Variants in PLXDC2 observed in about 807,000 individuals in gnomAD.
The protein encoded by PLXDC2 is plexin domain-containing protein 2.
In PLXDC2, 40 loss-of-function variants were observed where a neutral mutation model predicts 68.9. The ratio of observed to expected loss-of-function variants is 0.58; its 90% confidence interval spans 0.45 to 0.76. The LOEUF (loss-of-function observed/expected upper bound fraction) is 0.76. Ranked by LOEUF, PLXDC2 falls within the 30% of genes least tolerant of loss-of-function variation. The pLI, the probability that PLXDC2 is intolerant of heterozygous loss-of-function variation, is 0.00. For missense variants in PLXDC2, 644 were observed against 661.9 expected, an observed-to-expected ratio of 0.97 and a Z score of 0.30; for synonymous variants, 243 against 234.2, an observed-to-expected ratio of 1.04 and a Z score of -0.34.
At chr10:20,122,944 T>C (rs1229453829) in intron 4 of PLXDC2, among the ~76,000 whole-genome samples, 2 of 151,948 alleles carry the variant, frequency 1.3e-5, no homozygotes, top group East Asian at 1.9e-4. Flanking sequence ...GCCAAACGAG[T>C]CATGAGCTGG....
chr10:19,847,019 G>C (rs900814418), intron 1 of PLXDC2, among the ~76,000 whole-genome samples: 3 of 152,004 alleles, frequency 2.0e-5, no homozygotes, highest in Non-Finnish European at 2.9e-5. Context: ...CACTGTCAGA[G>C]AACAGCATGG....
At chr10:20,237,778 C>G (rs1235998757) in intron 12 of PLXDC2, among the ~76,000 whole-genome samples, 1 of 152,110 alleles carries the variant, frequency 6.6e-6, no homozygotes, top group Non-Finnish European at 1.5e-5. Context: ...CAAATTTGTG[C>G]ATGACATTGT....
intron 4 of PLXDC2, among the ~76,000 whole-genome samples, chr10:20,074,794 C>A (rs1163863225): frequency 6.6e-6 from 1 of 152,194 alleles, no homozygotes; most frequent in Non-Finnish European, 1.5e-5. Context: ...AAGTGTATAA[C>A]CCCATAAAAC....
chr10:20,245,344 G>T lies in PLXDC2; in HGVS notation c.1313-1G>T. ...TCCTGACAGCTGGGATGTTCTTTCA[G>T]CTTCTACAGATGACAGTGCAGCTGA... On this transcript the variant is annotated splice_acceptor_variant, in intron 12 of 13. Coordinates refer to ENST00000377252, the MANE Select transcript of PLXDC2 (RefSeq NM_032812.9). LOFTEE classifies it high-confidence loss of function. 6.2e-7 allele frequency: 1 copy of T among 1,607,966 alleles called. No individual in the cohort carries two copies. Among genetic ancestry groups the T allele is most frequent in the Non-Finnish European group, 8.5e-7 (1 of 1,177,446 alleles).
At chr10:19,897,458 T>C (rs1234662415) in intron 1 of PLXDC2, among the ~76,000 whole-genome samples, 2 of 152,028 alleles carry the variant, frequency 1.3e-5, no homozygotes, top group Non-Finnish European at 2.9e-5. Flanking sequence ...TTAGTCAGGC[T>C]GGTCTCGAAC....
At chr10:20,076,551 T>C (rs1196253689) in intron 4 of PLXDC2, among the ~76,000 whole-genome samples, 1 of 152,198 alleles carries the variant, frequency 6.6e-6, no homozygotes, top group Non-Finnish European at 1.5e-5. Flanking sequence ...ACTGCATTTT[T>C]CCCCCACTTA....
chr10:20,189,409 C>T (rs2131837277), intron 9 of PLXDC2, among the ~76,000 whole-genome samples: 1 of 146,062 alleles, frequency 6.8e-6, no homozygotes, highest in East Asian at 2.0e-4. Flanking sequence ...TTTTACCACA[C>T]ACACATATTG....
At chr10:20,078,935 A>C (rs1836500091) in intron 4 of PLXDC2, among the ~76,000 whole-genome samples, 1 of 152,178 alleles carries the variant, frequency 6.6e-6, no homozygotes. Context: ...AAAATATAAC[A>C]ATGCATTAGA....
chr10:20,142,960 A>G (rs1182746190), intron 4 of PLXDC2, among the ~76,000 whole-genome samples: 2 of 152,104 alleles, frequency 1.3e-5, no homozygotes, highest in African/African-American at 2.4e-5. Context: ...AGGGATTAAT[A>G]ATAGCAAATT....
intron 9 of PLXDC2, among the ~76,000 whole-genome samples, chr10:20,198,916 G>A (rs1315888896): frequency 2.6e-5 from 4 of 151,986 alleles, no homozygotes; most frequent in Admixed American, 6.6e-5. Flanking sequence ...GATTGGAAGC[G>A]GTGACTGGCC....
intron 13 of PLXDC2, among the ~76,000 whole-genome samples, chr10:20,251,121 T>C (rs1353128222): frequency 2.0e-5 from 3 of 152,164 alleles, no homozygotes; most frequent in Non-Finnish European, 4.4e-5. Flanking sequence ...AACATTCCAT[T>C]TCTATTCAGT....
In PLXDC2 at chr10:20,218,596, T is replaced by C. The variant is rs1480024139; in HGVS notation, c.1274-468T>C. Among the ~76,000 whole-genome samples the C allele has an allele frequency of 2.0e-5, 3 of 152,234 alleles. No individual in the cohort carries two copies. The East Asian group carries it at 5.8e-4, about 29-fold the overall frequency. The stretch of plus-strand genomic sequence containing the variant: ...AGGATAAGATCTCTTTATATAGAAT[T>C]TTGGTCATCTTTTCTAGCAATGGGT... On this transcript the variant is annotated intron_variant, in intron 11 of 13. Transcript: ENST00000377252.
At chr10:19,925,175 C>A (rs1171334720) in intron 1 of PLXDC2, among the ~76,000 whole-genome samples, 4 of 152,182 alleles carry the variant, frequency 2.6e-5, no homozygotes, top group African/African-American at 4.8e-5. Flanking sequence ...CTAGGTCCTG[C>A]AGGAAAGTCC....
intron 4 of PLXDC2, among the ~76,000 whole-genome samples, chr10:20,124,003 C>T (rs1208306101): frequency 6.6e-6 from 1 of 151,308 alleles, no homozygotes; most frequent in Non-Finnish European, 1.5e-5. Flanking sequence ...TTGGGGGTTT[C>T]TTGCCCCCCA....
chr10:20,036,242 A>C (rs548574436), intron 2 of PLXDC2, among the ~76,000 whole-genome samples: 2 of 152,280 alleles, frequency 1.3e-5, no homozygotes, highest in Non-Finnish European at 2.9e-5. Context: ...ATTAAGGTTA[A>C]ATGAGGCCAT....
At chr10:19,834,708 G>A (rs7087896) in intron 1 of PLXDC2, among the ~76,000 whole-genome samples, 1,817 of 152,308 alleles carry the variant, frequency 0.012, 28 homozygotes, top group African/African-American at 0.042. Flanking sequence ...TTAGGTTGGG[G>A]TTGATAGTGA....
intron 12 of PLXDC2, among the ~76,000 whole-genome samples, chr10:20,239,585 C>T (rs1835487782): frequency 6.6e-6 from 1 of 152,124 alleles, no homozygotes; most frequent in African/African-American, 2.4e-5. Flanking sequence ...AGAGAAACCA[C>T]ACCCATGATC....
chr10:20,191,557 T>G (rs2131839371), intron 9 of PLXDC2, among the ~76,000 whole-genome samples: 1 of 151,830 alleles, frequency 6.6e-6, no homozygotes, highest in Non-Finnish European at 1.5e-5. Flanking sequence ...AGGTTTCTTT[T>G]GTCACTGCCC....
chr10:20,235,076 A>G (rs1330491616), intron 12 of PLXDC2, among the ~76,000 whole-genome samples: 10 of 152,184 alleles, frequency 6.6e-5, no homozygotes, highest in African/African-American at 2.2e-4. Context: ...TGTTTTTCAA[A>G]TAGTGGCTGT....
Sources: gnomAD v4.1 joint callset for allele counts (sites outside exome capture counted in the v4.1 genomes callset) on GRCh38, gnomAD v4.1.1 for gene constraint, MANE v1.5 for transcripts, NCBI Gene and HGNC (gene_info 2026-07-23, HGNC 2026-07-21) for gene names.